Variants in KDM4B observed in about 807,000 individuals in gnomAD.
KDM4B encodes the protein lysine demethylase 4B, also known as lysine-specific demethylase 4B.
In KDM4B, 32 loss-of-function variants were observed where a neutral mutation model predicts 125.2. That is an observed-to-expected ratio of 0.26 (90% confidence interval 0.19 to 0.34). The LOEUF is 0.34. KDM4B is among the 10% of genes least tolerant of loss of function. The pLI is 1.00. For synonymous variants in KDM4B, 721 were observed against 677.9 expected (o/e 1.06, Z -0.99); for missense variants, 1,190 against 1,577.7 (o/e 0.75, Z 4.16).
At position 5,144,186 on chromosome 19, in the gene KDM4B, CT is replaced by C. The variant is rs777019984; in HGVS notation, c.2736+35del. ...CTGCCCGCCTCCTTGCCCCCAGCCC[CT>C]GGCTCCCGCCCCCACCGACACCCGC... is the stretch of plus-strand genomic sequence containing the variant. On this transcript the variant is annotated intron_variant, in intron 19 of 22. Coordinates refer to ENST00000159111, the MANE Select transcript of KDM4B (RefSeq NM_015015.3). 2.7e-3 allele frequency: 4,248 copies of C among 1,589,932 alleles called. 7 individuals are homozygous for C. Among genetic ancestry groups the C allele is most frequent in the Non-Finnish European group, 3.4e-3 (3,967 of 1,164,052 alleles).
chr19:5,102,721 G>A (rs983919060), intron 9 of KDM4B, among the ~76,000 whole-genome samples: 3 of 152,140 alleles, frequency 2.0e-5, no homozygotes, highest in South Asian at 2.1e-4. Flanking sequence ...GACGGGTGAC[G>A]GGTGATGGGT....
chr19:5,126,674 ATAGT>A, intron 11 of KDM4B, among the ~76,000 whole-genome samples: 1 of 152,226 alleles, frequency 6.6e-6, no homozygotes, highest in South Asian at 2.1e-4. Flanking sequence ...GCCCCAGCTC[ATAGT>A]GAGGGGCTGT....
At chr19:5,053,153 T>C (rs1470854572) in intron 6 of KDM4B, among the ~76,000 whole-genome samples, 1 of 152,236 alleles carries the variant, frequency 6.6e-6, no homozygotes, top group African/African-American at 2.4e-5. Flanking sequence ...CACTGCACTC[T>C]GTCACCAGAA....
At chr19:4,980,361 C>A (rs974016802) in intron 1 of KDM4B, among the ~76,000 whole-genome samples, 1 of 150,678 alleles carries the variant, frequency 6.6e-6, no homozygotes, top group African/African-American at 2.4e-5. Flanking sequence ...TCTCAGTGGG[C>A]GTGATATTCT....
intron 13 of KDM4B, 46 bp downstream of exon 13, chr19:5,132,053 G>T: frequency 6.5e-7 from 1 of 1,527,282 alleles, no homozygotes. Flanking sequence ...CCTGCTCCGC[G>T]CTCTGCTGCT....
At chr19:5,047,813 C>A in intron 6 of KDM4B, 144 bp downstream of exon 6, 1 of 770,164 alleles carries the variant, frequency 1.3e-6, no homozygotes, top group East Asian at 2.7e-5. Context: ...GGAGATCTTC[C>A]GGACCGCCTG....
At chr19:5,060,086 C>T (rs756228314) in intron 6 of KDM4B, among the ~76,000 whole-genome samples, 4 of 152,222 alleles carry the variant, frequency 2.6e-5, no homozygotes, top group African/African-American at 4.8e-5. Flanking sequence ...TGAGGCCCCA[C>T]GGGGCTGGGC....
At chr19:4,977,951 C>G (rs73921816) in intron 1 of KDM4B, among the ~76,000 whole-genome samples, 7 of 152,324 alleles carry the variant, frequency 4.6e-5, no homozygotes, top group African/African-American at 1.7e-4. Context: ...TGCTGTTGTC[C>G]CCTTCCTGCA....
intron 5 of KDM4B, among the ~76,000 whole-genome samples, chr19:5,041,604 A>T (rs2145670116): frequency 6.6e-6 from 1 of 152,232 alleles, no homozygotes; most frequent in Middle Eastern, 3.4e-3. Flanking sequence ...TCAGCCCGCC[A>T]GGCCACCTGC....
chr19:5,062,450 G>T (rs1051539641), intron 6 of KDM4B, among the ~76,000 whole-genome samples: 1 of 152,230 alleles, frequency 6.6e-6, no homozygotes, highest in African/African-American at 2.4e-5. Context: ...TGTTGCAGGG[G>T]TGTGGAGGGG....
At chr19:5,137,239 A>G (rs764675358) in intron 15 of KDM4B, 23 bp from the exon 16 acceptor site, 2 of 1,547,176 alleles carry the variant, frequency 1.3e-6, no homozygotes, top group South Asian at 2.4e-5. Flanking sequence ...CCCAGATCTC[A>G]GCCAGCCCCC....
chr19:5,068,631 C>G (rs915384160), intron 6 of KDM4B, among the ~76,000 whole-genome samples: 1 of 152,244 alleles, frequency 6.6e-6, no homozygotes, highest in Non-Finnish European at 1.5e-5. Flanking sequence ...TTCTGGTCCC[C>G]GAGGCCGTCG....
intron 21 of KDM4B, among the ~76,000 whole-genome samples, chr19:5,146,226 A>G (rs2039842111): frequency 8.1e-6 from 1 of 124,114 alleles, no homozygotes. Flanking sequence ...CCTGTCACTG[A>G]GCATCCAGGA....
intron 11 of KDM4B, among the ~76,000 whole-genome samples, chr19:5,124,605 C>G (rs1382492234): frequency 6.6e-6 from 1 of 152,182 alleles, no homozygotes; most frequent in Non-Finnish European, 1.5e-5. Context: ...TTTCCTTTTC[C>G]TTTCCTTTCC....
chr19:5,053,300 C>T (rs776085427), intron 6 of KDM4B, among the ~76,000 whole-genome samples: 21 of 152,344 alleles, frequency 1.4e-4, no homozygotes, highest in Non-Finnish European at 2.5e-4. Flanking sequence ...ACTGAGAAGA[C>T]CCACCAGACT....
chr19:5,022,839 AG>A (rs1182034224), intron 2 of KDM4B, among the ~76,000 whole-genome samples: 1 of 146,726 alleles, frequency 6.8e-6, no homozygotes, highest in Non-Finnish European at 1.5e-5. Context: ...GGGGGCTTGG[AG>A]GGATGTGGGG....
At chr19:5,134,133 A>T (rs756738563) in intron 14 of KDM4B, 72 bp downstream of exon 14, 25 of 1,399,736 alleles carry the variant, frequency 1.8e-5, no homozygotes, top group Non-Finnish European at 2.4e-5. Context: ...GGGACCGGGC[A>T]CCCCACACGC....
At chr19:5,029,917 C>T (rs2036397543) in intron 2 of KDM4B, among the ~76,000 whole-genome samples, 1 of 152,208 alleles carries the variant, frequency 6.6e-6, no homozygotes, top group African/African-American at 2.4e-5. Flanking sequence ...GAGAGTGGCT[C>T]CCGGTGTCAC....
chr19:5,012,040 G>T (rs772753179), intron 1 of KDM4B, among the ~76,000 whole-genome samples: 2 of 152,224 alleles, frequency 1.3e-5, no homozygotes, highest in Non-Finnish European at 2.9e-5. Context: ...GTTTGGGGGC[G>T]TTGTCGTCCG....
Sources: gnomAD v4.1 joint callset for allele counts (sites outside exome capture counted in the v4.1 genomes callset) on GRCh38, gnomAD v4.1.1 for gene constraint, MANE v1.5 for transcripts, NCBI Gene and HGNC (gene_info 2026-07-23, HGNC 2026-07-21) for gene names.